The following ISLR2 variants were observed in gnomAD, a reference collection of about 807,000 sequenced individuals.
The protein encoded by ISLR2 is immunoglobulin superfamily containing leucine-rich repeat protein 2.
ISLR2 carries 16 observed loss-of-function variants against 25.5 expected under a neutral mutation model. The ratio of observed to expected loss-of-function variants is 0.63; its 90% CI spans 0.43 to 0.95. The LOEUF (loss-of-function observed/expected upper bound fraction) is 0.95. Among genes scored for constraint, ISLR2 ranks in the 40% least tolerant of loss-of-function variants. The pLI, the probability that ISLR2 is intolerant of heterozygous loss-of-function variation, is 0.00. For synonymous variants in ISLR2, 508 were observed against 486.6 expected (o/e 1.04, Z -0.58); for missense variants, 883 against 1,030.7 (o/e 0.86, Z 1.96).
chr15:74,121,243 T>C (rs1424364593), intron 2 of ISLR2, among the ~76,000 whole-genome samples: 1 of 152,104 alleles, frequency 6.6e-6, no homozygotes, highest in Non-Finnish European at 1.5e-5. Context: ...GATATGTGGG[T>C]TGGACACAGT....
At chr15:74,116,416 A>C (rs1468867150) in intron 2 of ISLR2, among the ~76,000 whole-genome samples, 3 of 151,858 alleles carry the variant, frequency 2.0e-5, no homozygotes, top group Admixed American at 1.3e-4. Context: ...AAAAAAAAGG[A>C]ATAAAAATTT....
At chr15:74,115,573 T>C (rs1173968406) in intron 2 of ISLR2, among the ~76,000 whole-genome samples, 1 of 152,110 alleles carries the variant, frequency 6.6e-6, no homozygotes, top group Non-Finnish European at 1.5e-5. Context: ...TACGCAACTG[T>C]AGTCCCAGCT....
intron 2 of ISLR2, among the ~76,000 whole-genome samples, chr15:74,113,956 CT>C (rs2072190601): frequency 6.6e-6 from 1 of 152,240 alleles, no homozygotes; most frequent in Non-Finnish European, 1.5e-5. Context: ...CTGCAGCAAC[CT>C]CTATAAGATT....
At chr15:74,110,591 G>C (rs948710854) in intron 2 of ISLR2, among the ~76,000 whole-genome samples, 2 of 151,626 alleles carry the variant, frequency 1.3e-5, no homozygotes, top group African/African-American at 4.9e-5. Context: ...GCCAAGGTGA[G>C]CAGATCATTT....
At chr15:74,119,331 A>G (rs2072234893) in intron 2 of ISLR2, among the ~76,000 whole-genome samples, 1 of 151,978 alleles carries the variant, frequency 6.6e-6, no homozygotes, top group African/African-American at 2.4e-5. Flanking sequence ...CCACCTCAGC[A>G]GCCCAAGTAG....
intron 2 of ISLR2, among the ~76,000 whole-genome samples, chr15:74,112,140 A>G (rs1005436380): frequency 6.6e-6 from 1 of 152,200 alleles, no homozygotes; most frequent in African/African-American, 2.4e-5. Context: ...TATTGATTGT[A>G]TGCAGGTCTG....
At chr15:74,138,123 G>A (rs946570773), downstream of ISLR2, among the ~76,000 whole-genome samples, 6 of 152,184 alleles carry the variant, frequency 3.9e-5, no homozygotes, top group African/African-American at 1.4e-4. Context: ...ACTGGCCACA[G>A]GAGTGGAGTG....
At chr15:74,112,610 C>G (rs988647715) in intron 2 of ISLR2, among the ~76,000 whole-genome samples, 3 of 151,864 alleles carry the variant, frequency 2.0e-5, no homozygotes, top group Non-Finnish European at 2.9e-5. Flanking sequence ...TCGCTGCAAC[C>G]TCCACCTCCC....
chr15:74,133,944 G>A lies in ISLR2; in HGVS notation c.1190G>A (p.Arg397His). ...GACGGACAGGCCCCGACCTCTGAGC[G>A]CAAGTCCACAGCCAAGGGCCGGGGC... ...EPDGQAPTSE[R>H]KSTAKGRGNS... The change falls in exon 3 of 3, where the codon CGC (arginine) becomes CAC (histidine). Residue 397 changes from arginine (R) to histidine (H), a missense_variant. Coordinates refer to ENST00000453268, the MANE Select transcript of ISLR2 (RefSeq NM_020851.3). 6.2e-7 allele frequency: 1 copy of A among 1,605,826 alleles called. No homozygotes were observed. Among genetic ancestry groups the A allele is most frequent in the South Asian group, 1.1e-5 (1 of 90,012 alleles).
chr15:74,121,980 CG>C (rs984968148), intron 2 of ISLR2, among the ~76,000 whole-genome samples: 1 of 152,264 alleles, frequency 6.6e-6, no homozygotes, highest in Admixed American at 6.5e-5. Flanking sequence ...AGTGGGGGTA[CG>C]GGGGACTAAC....
downstream of ISLR2, among the ~76,000 whole-genome samples, chr15:74,137,987 C>T (rs1250886674): frequency 6.6e-6 from 1 of 151,312 alleles, no homozygotes; most frequent in African/African-American, 2.4e-5. Context: ...CAGTTTTATT[C>T]TGCTAGTTCC....
intron 2 of ISLR2, among the ~76,000 whole-genome samples, chr15:74,121,005 C>G (rs1304740585): frequency 6.6e-6 from 1 of 151,914 alleles, no homozygotes; most frequent in Non-Finnish European, 1.5e-5. Flanking sequence ...CACCCTATCC[C>G]TCTTCCCTTC....
At chr15:74,104,851 G>A (rs1276003871) in intron 2 of ISLR2, among the ~76,000 whole-genome samples, 6 of 143,600 alleles carry the variant, frequency 4.2e-5, no homozygotes, top group Non-Finnish European at 7.6e-5. Flanking sequence ...CTCCGAAAGC[G>A]TTGAGATTAC....
chr15:74,121,009 TCCCTTC>T (rs1420574767), intron 2 of ISLR2, among the ~76,000 whole-genome samples: 10 of 151,704 alleles, frequency 6.6e-5, no homozygotes, highest in Non-Finnish European at 1.5e-5. Context: ...CTATCCCTCT[TCCCTTC>T]CCCTTCCTCT....
chr15:74,131,828 C>T (rs1567161211), intron 2 of ISLR2: 1 of 152,298 alleles, frequency 6.6e-6, no homozygotes, highest in African/African-American at 2.4e-5. Context: ...CCTTCTTCTC[C>T]CCTCACAGGA....
chr15:74,116,996 G>A (rs2072216119), intron 2 of ISLR2, among the ~76,000 whole-genome samples: 1 of 152,188 alleles, frequency 6.6e-6, no homozygotes, highest in African/African-American at 2.4e-5. Context: ...ACCAGATGGG[G>A]CTGCAGCCTC....
chr15:74,135,114 A>G lies in ISLR2; in HGVS notation c.*122A>G. On this transcript the variant is annotated 3_prime_UTR_variant, in exon 3 of 3. Transcript: ENST00000453268. Reference sequence around the variant, plus strand: ...CCTTCACCTACTCCTCCCCCTTACTACTCCCCAACCTTGACTACCAGGGAC... The same window carrying G: ...CCTTCACCTACTCCTCCCCCTTACTGCTCCCCAACCTTGACTACCAGGGAC... The G allele has an allele frequency of 8.3e-7, 1 of 1,205,464 alleles. No individual in the cohort carries two copies. Among genetic ancestry groups the G allele is most frequent in the Non-Finnish European group, 1.2e-6 (1 of 860,604 alleles). The allele number at this position is 1,205,464 out of a possible 1,614,324, so 74.7% of individuals were successfully genotyped here.
At chr15:74,117,525 TA>T (rs1382118638) in intron 2 of ISLR2, among the ~76,000 whole-genome samples, 1 of 150,210 alleles carries the variant, frequency 6.7e-6, no homozygotes, top group Non-Finnish European at 1.5e-5. Flanking sequence ...CACTAAAAAT[TA>T]AAAAAAAATA....
chr15:74,134,677 C>T lies in ISLR2; in HGVS notation c.1923C>T (p.Ile641=), dbSNP rs767891655. 2 of 1,614,136 alleles carry T rather than the reference C, an allele frequency of 1.2e-6. No homozygotes were observed. The highest frequency in any genetic ancestry group is 1.3e-5 in the African/African-American group (1 of 75,062). ...CCCCTGACCCTATGGAGAAGCGCAT[C>T]GCCGCAGACTTCGACCCGCGTGCTT... ...PQAPDPMEKR[I]AADFDPRASY... Residue 641 remains isoleucine (I), a synonymous_variant, in exon 3 of 3, where the codon ATC becomes ATT. Transcript: ENST00000453268.
Sources: gnomAD v4.1 joint callset for allele counts (sites outside exome capture counted in the v4.1 genomes callset) on GRCh38, gnomAD v4.1.1 for gene constraint, MANE v1.5 for transcripts, NCBI Gene and HGNC (gene_info 2026-07-23, HGNC 2026-07-21) for gene names.